Variants in ZFPM2 observed in about 807,000 individuals in gnomAD.
The protein encoded by ZFPM2 is zinc finger protein ZFPM2.
ZFPM2 carries 20 observed loss-of-function variants against 98.6 expected under a neutral mutation model. The ratio of observed to expected loss-of-function variants is 0.20; its 90% CI spans 0.14 to 0.29. The LOEUF (loss-of-function observed/expected upper bound fraction) is 0.29. Ranked by LOEUF, ZFPM2 falls within the 10% of genes least tolerant of loss-of-function variation. The probability of loss-of-function intolerance (pLI) is 1.00; values close to 1 mark genes in which losing one functional copy is unlikely to be tolerated. For missense variants in ZFPM2, 1,310 were observed against 1,388.6 expected (o/e 0.94, Z 0.90); for synonymous variants, 518 against 502.7 (o/e 1.03, Z -0.41).
At chr8:105,482,591 T>G (rs1251064737) in intron 3 of ZFPM2, among the ~76,000 whole-genome samples, 1 of 152,154 alleles carries the variant, frequency 6.6e-6, no homozygotes, top group East Asian at 1.9e-4. Context: ...ATTTTATTTC[T>G]GTTTTTTAGT....
intron 1 of ZFPM2, among the ~76,000 whole-genome samples, chr8:105,359,465 T>G (rs1309993918): frequency 6.6e-6 from 1 of 150,872 alleles, no homozygotes; most frequent in Non-Finnish European, 1.5e-5. Context: ...AACCTCCATC[T>G]CCCAGGTTCA....
At chr8:105,549,320 A>G (rs1160292061) in intron 3 of ZFPM2, among the ~76,000 whole-genome samples, 1 of 152,162 alleles carries the variant, frequency 6.6e-6, no homozygotes, top group Non-Finnish European at 1.5e-5. Context: ...ATATAGATGT[A>G]TTTTACAAGT....
At chr8:105,397,792 C>G (rs993537066) in intron 1 of ZFPM2, among the ~76,000 whole-genome samples, 2 of 152,056 alleles carry the variant, frequency 1.3e-5, no homozygotes, top group South Asian at 2.1e-4. Context: ...TTTCTCCAAA[C>G]AGACTTGGTT....
chr8:105,802,042 T>C lies in ZFPM2; in HGVS notation c.1960T>C (p.Ser654Pro), dbSNP rs1212480067. ...KDFSTQTKKL[S>P]TSSNNDDKIN... ...CTTTTCCACTCAAACTAAGAAGCTCTCCACCTCCAGTAACAATGATGACAA... is the reference window on the plus strand; with the variant it reads ...CTTTTCCACTCAAACTAAGAAGCTCCCCACCTCCAGTAACAATGATGACAA... Residue 654 changes from serine to proline, a missense_variant, in exon 8 of 8, where the codon TCC becomes CCC. Physicochemically the swap from Ser to Pro is moderately conservative, Grantham distance 74 (BLOSUM62 -1). Transcript: ENST00000407775. 17 of 1,613,820 alleles carry C rather than the reference T, an allele frequency of 1.1e-5. No homozygotes were observed. The highest frequency in any genetic ancestry group is 1.4e-5 in the Non-Finnish European group (16 of 1,179,862).
rs1814064801 is a variant in ZFPM2 at position 105,802,569 on chromosome 8, C to A, written c.2487C>A (p.Pro829=). ...TTTCCTGCCTAGAGATGGACGTGCC[C>A]ATAGATCTCAGCAAAAAGTGTTTAT... ...SSVSCLEMDV[P]IDLSKKCLSQ... is the part of the protein sequence containing the mutation. Residue 829 remains proline, a synonymous_variant, in exon 8 of 8, where the codon CCC becomes CCA. Coordinates refer to ENST00000407775, the MANE Select transcript of ZFPM2 (RefSeq NM_012082.4). 6.2e-7 allele frequency: 1 copy of A among 1,610,852 alleles called. No homozygotes were observed. The highest frequency in any genetic ancestry group is 1.3e-5 in the African/African-American group (1 of 74,878).
rs1300924727 is a variant in ZFPM2 at position 105,526,635 on chromosome 8, G to A, written c.302-34728G>A. ...CTCAAGTGAGATAAATTAAAATGGA[G>A]AAAATCAGTATCCAACAAGCCACAC... On this transcript the variant is annotated intron_variant, in intron 3 of 7. Transcript: ENST00000407775. 7.2e-5 allele frequency among the ~76,000 whole-genome samples: 11 copies of A among 152,198 alleles called. No homozygotes were observed. In the East Asian group the frequency reaches 2.1e-3, roughly 29 times the overall value.
intron 1 of ZFPM2, among the ~76,000 whole-genome samples, chr8:105,395,889 C>A (rs1411966359): frequency 6.6e-6 from 1 of 152,144 alleles, no homozygotes; most frequent in Non-Finnish European, 1.5e-5. Context: ...CTACTCTATC[C>A]TAGTTGTAGG....
chr8:105,536,787 G>T (rs1814462106), intron 3 of ZFPM2, among the ~76,000 whole-genome samples: 1 of 152,082 alleles, frequency 6.6e-6, no homozygotes, highest in Admixed American at 6.6e-5. Context: ...TATGACCAAG[G>T]CTCCCTTTTG....
intron 4 of ZFPM2, among the ~76,000 whole-genome samples, chr8:105,622,145 TAAATA>T (rs1816564985): frequency 6.6e-6 from 1 of 151,998 alleles, no homozygotes; most frequent in Non-Finnish European, 1.5e-5. Context: ...CAAAAATAAA[TAAATA>T]AATAAAACAA....
At chr8:105,758,193 A>G (rs751793103) in intron 5 of ZFPM2, among the ~76,000 whole-genome samples, 2 of 152,154 alleles carry the variant, frequency 1.3e-5, no homozygotes, top group Non-Finnish European at 2.9e-5. Flanking sequence ...GACCCAAGGT[A>G]TATGCTTCAG....
intron 6 of ZFPM2, among the ~76,000 whole-genome samples, chr8:105,796,469 C>G (rs1281915860): frequency 6.6e-6 from 1 of 152,104 alleles, no homozygotes; most frequent in Non-Finnish European, 1.5e-5. Context: ...ATGAAATTAA[C>G]TTGGAAGGGA....
At position 105,802,897 on chromosome 8, in the gene ZFPM2, C is replaced by G; in HGVS notation, c.2815C>G (p.Leu939Val). The change falls in exon 8 of 8, where the codon CTG becomes GTG. Residue 939 changes from leucine to valine, a missense_variant. Transcript: ENST00000407775. ...GNLFSSHLAT[L>V]QGLKVFSEAA... ...CTTATTTTCATCCCACCTAGCAACC[C>G]TGCAAGGCTTGAAGGTCTTTAGTGA... 1 of 1,613,774 alleles carries G rather than the reference C, an allele frequency of 6.2e-7. No homozygotes were observed. Among genetic ancestry groups the G allele is most frequent in the Non-Finnish European group, 8.5e-7 (1 of 1,179,818 alleles).
Position 105,643,264 on chromosome 8 carries a change from T to C in ZFPM2, c.532+8907T>C, listed in dbSNP as rs367673501. On this transcript the variant is annotated intron_variant, in intron 5 of 7. Transcript: ENST00000407775. ...GCCTTACTTCACTCATTACCAGACT[T>C]CGACAATTTTTCAACACCAAATGAA... Among the ~76,000 whole-genome samples the C allele has an allele frequency of 7.9e-5, 12 of 152,224 alleles. No individual in the cohort carries two copies. The East Asian group carries it at 2.3e-3, about 29-fold the overall frequency.
chr8:105,561,769 T>G (rs1482486012), intron 4 of ZFPM2, among the ~76,000 whole-genome samples: 1 of 152,202 alleles, frequency 6.6e-6, no homozygotes, highest in Non-Finnish European at 1.5e-5. Flanking sequence ...TGTTCACATT[T>G]AGTAATATAT....
intron 2 of ZFPM2, among the ~76,000 whole-genome samples, chr8:105,443,038 C>T (rs1290523289): frequency 6.6e-6 from 1 of 151,916 alleles, no homozygotes; most frequent in Admixed American, 6.6e-5. Context: ...TGGCCGGGCA[C>T]AGTGTCATAC....
intron 5 of ZFPM2, among the ~76,000 whole-genome samples, chr8:105,721,175 A>G (rs1036243386): frequency 1.3e-5 from 2 of 151,834 alleles, no homozygotes; most frequent in African/African-American, 4.8e-5. Flanking sequence ...GATCCCACAG[A>G]TGGGAAATGT....
intron 5 of ZFPM2, among the ~76,000 whole-genome samples, chr8:105,760,302 G>C (rs1352475946): frequency 6.6e-6 from 1 of 152,012 alleles, no homozygotes; most frequent in Non-Finnish European, 1.5e-5. Flanking sequence ...GCCTTGGCCA[G>C]GTAGGTCACA....
chr8:105,701,943 A>G (rs928716202), intron 5 of ZFPM2, among the ~76,000 whole-genome samples: 1 of 152,212 alleles, frequency 6.6e-6, no homozygotes, highest in East Asian at 1.9e-4. Flanking sequence ...TAGTTGATTT[A>G]ACTCTTGATC....
chr8:105,793,819 G>A lies in ZFPM2; in HGVS notation c.739+4895G>A, dbSNP rs568242479. Among the ~76,000 whole-genome samples the A allele has an allele frequency of 3.0e-4, 36 of 121,362 alleles. 1 individual carries two copies. The highest frequency in any genetic ancestry group is 7.4e-4 in the African/African-American group (16 of 21,698). 79.6% of individuals were successfully genotyped at this position (121,362 alleles called of 152,430 possible). A position where few individuals can be genotyped will look rare whatever the true frequency, so the allele number is the denominator to read the frequency against. The stretch of plus-strand genomic sequence containing the variant: ...CTTTTTTCTCTAAACTTCCCTTCTC[G>A]CTTCATTTCATCTTCCATCGCTGAT... On this transcript the variant is annotated intron_variant, in intron 6 of 7. Transcript: ENST00000407775.
Sources: allele counts gnomAD v4.1 joint callset (sites outside exome capture counted in the v4.1 genomes callset), GRCh38; gene constraint gnomAD v4.1.1; transcripts MANE v1.5; gene names NCBI Gene and HGNC (gene_info 2026-07-23, HGNC 2026-07-21).